Variants in PCDH15 observed in about 807,000 individuals in gnomAD.
PCDH15 encodes protocadherin-15.
A neutral mutation model predicts 178.5 loss-of-function variants in PCDH15; 129 were observed. The ratio of observed to expected loss-of-function variants is 0.72; its 90% CI spans 0.63 to 0.84. The LOEUF is 0.84. Among genes scored for constraint, PCDH15 ranks in the 40% least tolerant of loss-of-function variants. The pLI, the probability that PCDH15 is intolerant of heterozygous loss-of-function variation, is 0.00. For missense variants in PCDH15, 2,230 were observed against 2,099.9 expected, an observed-to-expected ratio of 1.06 and a Z score of -1.21; for synonymous variants, 800 against 732.0, an observed-to-expected ratio of 1.09 and a Z score of -1.50.
intron 2 of PCDH15, among the ~76,000 whole-genome samples, chr10:54,996,474 TG>T (rs1057218182): frequency 2.0e-5 from 3 of 152,116 alleles, no homozygotes; most frequent in Non-Finnish European, 4.4e-5. Flanking sequence ...GATTGTGTTT[TG>T]GTTATTGTTT....
intron 2 of PCDH15, among the ~76,000 whole-genome samples, chr10:55,028,254 T>G (rs1340476451): frequency 1.3e-5 from 2 of 151,854 alleles, no homozygotes; most frequent in African/African-American, 4.8e-5. Flanking sequence ...GGAACTAACT[T>G]GAACCAAATC....
chr10:54,928,241 T>C (rs1421409537), intron 2 of PCDH15, among the ~76,000 whole-genome samples: 1 of 152,188 alleles, frequency 6.6e-6, no homozygotes, highest in East Asian at 1.9e-4. Flanking sequence ...TTTCTTTTCA[T>C]TTAGAATGTT....
chr10:54,633,879 G>A (rs2093771149), intron 2 of PCDH15, among the ~76,000 whole-genome samples: 1 of 152,068 alleles, frequency 6.6e-6, no homozygotes, highest in Non-Finnish European at 1.5e-5. Flanking sequence ...GCACATATTA[G>A]GAGTGTTTTA....
chr10:53,999,489 T>G (rs1271703823), intron 20 of PCDH15, among the ~76,000 whole-genome samples: 1 of 152,222 alleles, frequency 6.6e-6, no homozygotes, highest in Non-Finnish European at 1.5e-5. Context: ...AGGCTACATC[T>G]GCAGCTAAAG....
intron 13 of PCDH15, among the ~76,000 whole-genome samples, chr10:54,157,347 G>A (rs780436371): frequency 3.9e-4 from 59 of 152,288 alleles, no homozygotes; most frequent in East Asian, 9.7e-4. Context: ...CTTGACTTCT[G>A]TGCACCTGCA....
At chr10:54,018,187 C>T (rs1287605943) in intron 20 of PCDH15, among the ~76,000 whole-genome samples, 1 of 152,090 alleles carries the variant, frequency 6.6e-6, no homozygotes, top group Non-Finnish European at 1.5e-5. Flanking sequence ...TACATATAGT[C>T]TTCTACTAAG....
Position 53,807,065 on chromosome 10 carries a change from T to A in PCDH15, c.4737A>T (p.Glu1579Asp). 1 of 1,613,250 alleles carries A rather than the reference T, an allele frequency of 6.2e-7. No homozygotes were observed. The highest frequency in any genetic ancestry group is 2.2e-5 in the East Asian group (1 of 44,862). Residue 1579 changes from glutamate (E) to aspartate (D), a missense_variant, in exon 38 of 38, where the codon GAA becomes GAT. By Grantham distance (45) the Glu-to-Asp change is conservative. Transcript: ENST00000644397. Reference sequence around the variant, plus strand: ...TTCTCTGACATTCAGGAGCACTGTCTTCTCCAGTTGAGCTGGTTTCATACT... The same window carrying A: ...TTCTCTGACATTCAGGAGCACTGTCATCTCCAGTTGAGCTGGTTTCATACT... Reference protein sequence around the residue: ...DREYETSSTGEDSAPECQRNR... With the variant: ...DREYETSSTGDDSAPECQRNR...
At chr10:54,758,322 A>C (rs546368844) in intron 1 of PCDH15, among the ~76,000 whole-genome samples, 82 of 152,292 alleles carry the variant, frequency 5.4e-4, no homozygotes, top group African/African-American at 1.8e-3. Flanking sequence ...GTATGGTAAA[A>C]TACTCTCTCA....
At chr10:53,959,564 G>A (rs2088052971) in intron 23 of PCDH15, among the ~76,000 whole-genome samples, 168 bp downstream of exon 23, 1 of 152,000 alleles carries the variant, frequency 6.6e-6, no homozygotes, top group African/African-American at 2.4e-5. Flanking sequence ...ATACTAAATT[G>A]TCATATTAAC....
At chr10:54,827,825 A>C (rs1325040573) in intron 3 of PCDH15, among the ~76,000 whole-genome samples, 2 of 152,122 alleles carry the variant, frequency 1.3e-5, no homozygotes, top group Admixed American at 6.6e-5. Flanking sequence ...GCAAATTTTC[A>C]ATATGAGTAA....
intron 1 of PCDH15, among the ~76,000 whole-genome samples, chr10:55,253,888 C>T (rs1027808027): frequency 6.6e-6 from 1 of 152,160 alleles, no homozygotes; most frequent in African/African-American, 2.4e-5. Context: ...ACCGTGAAAA[C>T]ATTCAATGAT....
At chr10:55,060,939 C>T (rs1303166701) in intron 2 of PCDH15, among the ~76,000 whole-genome samples, 1 of 151,836 alleles carries the variant, frequency 6.6e-6, no homozygotes, top group African/African-American at 2.4e-5. Context: ...AAAAATTAAT[C>T]ACAGTCCTAA....
chr10:53,968,458 T>C (rs2089290788), intron 21 of PCDH15, among the ~76,000 whole-genome samples: 1 of 152,154 alleles, frequency 6.6e-6, no homozygotes, highest in African/African-American at 2.4e-5. Flanking sequence ...CAGCAGAAAC[T>C]TCTGCAGACT....
At chr10:54,995,324 A>T (rs571221146) in intron 2 of PCDH15, among the ~76,000 whole-genome samples, 1 of 150,920 alleles carries the variant, frequency 6.6e-6, no homozygotes, top group African/African-American at 2.4e-5. Context: ...TGCAGTGAGT[A>T]GAGATCGCAT....
intron 20 of PCDH15, among the ~76,000 whole-genome samples, chr10:53,999,337 T>C (rs1004251000): frequency 6.6e-6 from 1 of 152,178 alleles, no homozygotes; most frequent in Non-Finnish European, 1.5e-5. Context: ...CACTTTCTAT[T>C]TGCTGTCCAA....
At chr10:55,616,617 G>C (rs1843483393) in intron 2 of PCDH15, among the ~76,000 whole-genome samples, 1 of 152,084 alleles carries the variant, frequency 6.6e-6, no homozygotes, top group African/African-American at 2.4e-5. Flanking sequence ...CAGTTTGAAG[G>C]TAGCAAGAAA....
chr10:53,811,220 T>G (rs1343601452), intron 36 of PCDH15, among the ~76,000 whole-genome samples: 1 of 152,182 alleles, frequency 6.6e-6, no homozygotes, highest in Non-Finnish European at 1.5e-5. Flanking sequence ...AGATAAAACA[T>G]TAACATCTTA....
chr10:54,357,469 C>A (rs12769250), intron 5 of PCDH15, among the ~76,000 whole-genome samples: 17,403 of 151,862 alleles, frequency 0.11, 1,769 homozygotes, highest in African/African-American at 0.28. Flanking sequence ...ATGTGAAGGA[C>A]CTCTTCAAGG....
intron 3 of PCDH15, among the ~76,000 whole-genome samples, chr10:54,435,025 T>G (rs1202649720): frequency 6.7e-6 from 1 of 149,184 alleles, no homozygotes; most frequent in Non-Finnish European, 1.5e-5. Flanking sequence ...GTATATGTAT[T>G]TATTTACTTC....
Sources: gnomAD v4.1 joint callset for allele counts (sites outside exome capture counted in the v4.1 genomes callset) on GRCh38, gnomAD v4.1.1 for gene constraint, MANE v1.5 for transcripts, NCBI Gene and HGNC (gene_info 2026-07-23, HGNC 2026-07-21) for gene names.